Variants in RBM5 observed in about 807,000 individuals in gnomAD.
RBM5 encodes RNA-binding protein 5.
In RBM5, 15 loss-of-function variants were observed where a neutral mutation model predicts 124.6. That is an observed-to-expected ratio of 0.12 (90% CI 0.08 to 0.19). The LOEUF (loss-of-function observed/expected upper bound fraction) is 0.19, where lower values mean the gene tolerates loss of function less well. Ranked by LOEUF, RBM5 falls within the 10% of genes least tolerant of loss-of-function variation. The probability of loss-of-function intolerance (pLI) is 1.00; values close to 1 mark genes in which losing one functional copy is unlikely to be tolerated. For missense variants in RBM5, 580 were observed against 1,026.5 expected (o/e 0.57, Z 5.94); for synonymous variants, 337 against 361.2 (o/e 0.93, Z 0.76).
intron 7 of RBM5, 85 bp downstream of exon 7, chr3:50,103,251 A>T: frequency 8.9e-7 from 1 of 1,120,782 alleles, no homozygotes; most frequent in Non-Finnish European, 1.3e-6. Context: ...TGTCCAAACA[A>T]GGAAATTGTT....
rs1442716235 is a variant in RBM5 at position 50,109,780 on chromosome 3, G to C, written c.1278+92G>C. 18 of 990,858 alleles carry C rather than the reference G, an allele frequency of 1.8e-5. No individual in the cohort carries two copies. The South Asian group carries it at 2.3e-4, about 13-fold the overall frequency. 61.4% of individuals were successfully genotyped at this position (990,858 alleles called of 1,614,324 possible). ...TTACCCTTTCCTGTTGTATGAGCCA[G>C]GATTGAGTAATACACACTTCAACCT... On this transcript the variant is annotated intron_variant, in intron 15 of 24. Coordinates refer to ENST00000347869, the MANE Select transcript of RBM5 (RefSeq NM_005778.4).
At position 50,105,797 on chromosome 3, in the gene RBM5, T is replaced by G; in HGVS notation, c.855+88T>G. 1.5e-5 allele frequency: 21 copies of G among 1,410,470 alleles called. No individual in the cohort carries two copies. In the South Asian group the frequency reaches 2.7e-4, roughly 18 times the overall value. 87.4% of individuals were successfully genotyped at this position (1,410,470 alleles called of 1,614,324 possible). On this transcript the variant is annotated intron_variant, in intron 10 of 24. Coordinates refer to ENST00000347869, the MANE Select transcript of RBM5 (RefSeq NM_005778.4). The stretch of plus-strand genomic sequence containing the variant: ...ATCCAGTTTTGAAACTGTCTGAGGC[T>G]CCTAAAGCCCAAGATGCAAGGCTCC...
At chr3:50,098,218 G>A (rs1341124951) in intron 4 of RBM5, among the ~76,000 whole-genome samples, 3 of 152,136 alleles carry the variant, frequency 2.0e-5, no homozygotes, top group African/African-American at 7.2e-5. Flanking sequence ...CGTACTTCAG[G>A]GCACAGTGAC....
At position 50,109,704 on chromosome 3, in the gene RBM5, T is replaced by C. The variant is rs764604642; in HGVS notation, c.1278+16T>C. On this transcript the variant is annotated intron_variant, in intron 15 of 24. Coordinates refer to ENST00000347869, the MANE Select transcript of RBM5 (RefSeq NM_005778.4). ...TGGCTCTCCGGTAATCCTGTTGTCC[T>C]ATATACAAAACTCGTGGCTGATGGG... 1 of 1,603,690 alleles carries C rather than the reference T, an allele frequency of 6.2e-7. No individual in the cohort carries two copies. The highest frequency in any genetic ancestry group is 1.7e-5 in the Admixed American group (1 of 59,958).
At chr3:50,091,809 C>G (rs1041907157) in intron 2 of RBM5, among the ~76,000 whole-genome samples, 1 of 152,126 alleles carries the variant, frequency 6.6e-6, no homozygotes, top group Non-Finnish European at 1.5e-5. Flanking sequence ...ATATTCAACC[C>G]AAATGTTTAT....
At chr3:50,107,672 C>CTTGTTTT (rs2091061247) in intron 12 of RBM5, 103 bp downstream of exon 12, 1 of 97,172 alleles carries the variant, frequency 1.0e-5, no homozygotes, top group Non-Finnish European at 1.9e-5. Context: ...CTTTTCTTTT[C>CTTGTTTT]TTTTTTTTTT....
In RBM5 at chr3:50,117,284, C is replaced by T. The variant is rs780733365; in HGVS notation, c.2227C>T (p.His743Tyr). 3.8e-5 allele frequency: 62 copies of T among 1,614,086 alleles called. No homozygotes were observed. The highest frequency in any genetic ancestry group is 5.1e-5 in the Non-Finnish European group (60 of 1,180,054). ...GCAACCCACCAAAGATGGCATTGAC[C>T]ACAGTAACATTGGCAACAAGATGCT... ...YEQPTKDGID[H>Y]SNIGNKMLQA... The change falls in exon 24 of 25, where the codon CAC (histidine) becomes TAC (tyrosine). Residue 743 changes from histidine (H) to tyrosine (Y), a missense_variant. Transcript: ENST00000347869. This position sits in a 1 kb window ranked among gnomAD's most constrained non-coding sequence, Gnocchi z 4.2.
chr3:50,113,330 G>T lies in RBM5; in HGVS notation c.1456-53G>T. On this transcript the variant is annotated intron_variant, in intron 17 of 24. Transcript: ENST00000347869. ...CTTTTTTTTGACAAAATATGTAATC[G>T]ACTGACATAGCAGAAAGTCTGCATT... 2.0e-6 allele frequency: 3 copies of T among 1,538,358 alleles called. No individual in the cohort carries two copies. The South Asian group carries it at 3.5e-5, about 18-fold the overall frequency.
intron 7 of RBM5, among the ~76,000 whole-genome samples, chr3:50,103,410 G>A (rs1050258654): frequency 2.2e-4 from 34 of 152,174 alleles, no homozygotes; most frequent in Non-Finnish European, 2.6e-4. Flanking sequence ...ACTTTGGGAG[G>A]CCAAGGCGGG....
chr3:50,103,890 C>G (rs188827708), intron 7 of RBM5, among the ~76,000 whole-genome samples: 125 of 152,270 alleles, frequency 8.2e-4, no homozygotes, highest in African/African-American at 3.0e-3. Context: ...CAGTAGGGGA[C>G]TAGACAGTGG....
chr3:50,111,025 A>G (rs1280781669), intron 17 of RBM5: 3 of 478,620 alleles, frequency 6.3e-6, no homozygotes, highest in East Asian at 3.5e-5. Context: ...ATGTTTATAC[A>G]TGTCTATACA....
At position 50,100,652 on chromosome 3, in the gene RBM5, CTG is replaced by C. The variant is rs778569975; in HGVS notation, c.483+49_483+50del. ...AGATATTCATGAAAATGGAACAAGTCTGTACAATTTTAAAAAAAGGTTGAAGG... is the reference window on the plus strand; with the variant it reads ...AGATATTCATGAAAATGGAACAAGTCTACAATTTTAAAAAAAGGTTGAAGG... On this transcript the variant is annotated intron_variant, in intron 6 of 24. Transcript: ENST00000347869. The surrounding 1 kb of genome is among the most constrained non-coding windows in gnomAD (Gnocchi z 5.1). The C allele has an allele frequency of 1.4e-6, 2 of 1,475,168 alleles. No individual in the cohort carries two copies. Among genetic ancestry groups the C allele is most frequent in the Non-Finnish European group, 9.4e-7 (1 of 1,059,768 alleles). The allele number at this position is 1,475,168 out of a possible 1,614,324, so 91.4% of individuals were successfully genotyped here. A position where few individuals can be genotyped will look rare whatever the true frequency, so the allele number is the denominator to read the frequency against.
chr3:50,109,090 T>C (rs1319892190), intron 14 of RBM5, among the ~76,000 whole-genome samples: 1 of 152,214 alleles, frequency 6.6e-6, no homozygotes, highest in African/African-American at 2.4e-5. Context: ...TCTTTTTTTT[T>C]TGAGACGGAG....
At chr3:50,106,503 G>A (rs2091035302) in intron 10 of RBM5, among the ~76,000 whole-genome samples, 1 of 152,310 alleles carries the variant, frequency 6.6e-6, no homozygotes, top group South Asian at 2.1e-4. Flanking sequence ...TTGACTTCAA[G>A]TGATCCGCTC....
chr3:50,111,406 T>C lies in RBM5; in HGVS notation c.1455+636T>C, dbSNP rs550672413. On this transcript the variant is annotated intron_variant, in intron 17 of 24. Coordinates refer to ENST00000347869, the MANE Select transcript of RBM5 (RefSeq NM_005778.4). ...TAACTACTAATCTACTCTCTGTCTC[T>C]ATGGATTTGCTTTTTTTATTTTTTT... 1.3e-3 allele frequency among the ~76,000 whole-genome samples: 196 copies of C among 152,284 alleles called. 1 individual carries two copies. Among genetic ancestry groups the C allele is most frequent in the Admixed American group, 0.011 (166 of 15,286 alleles).
intron 4 of RBM5, 148 bp downstream of exon 4, chr3:50,094,023 G>C: frequency 3.9e-6 from 3 of 775,006 alleles, no homozygotes; most frequent in Non-Finnish European, 5.7e-6. Context: ...GAACTGTTTT[G>C]ATATTTTTTT....
intron 4 of RBM5, 188 bp downstream of exon 4, chr3:50,094,063 A>G (rs1439491278): frequency 7.7e-6 from 4 of 520,846 alleles, no homozygotes; most frequent in Non-Finnish European, 1.3e-5. Flanking sequence ...AAGTTTAAAC[A>G]TTTGCATTTA....
intron 17 of RBM5, 26 bp from the exon 18 acceptor site, chr3:50,113,357 A>AT: frequency 6.3e-7 from 1 of 1,589,722 alleles, no homozygotes; most frequent in Non-Finnish European, 8.6e-7. Context: ...GTCTGCATTA[A>AT]TTGTTTTTTG....
intron 12 of RBM5, among the ~76,000 whole-genome samples, chr3:50,107,830 G>A (rs368918565): frequency 2.3e-4 from 35 of 151,620 alleles, no homozygotes; most frequent in Admixed American, 4.6e-4. Context: ...GGGATTACAG[G>A]TACCTGCCAC....
Sources: allele counts gnomAD v4.1 joint callset (sites outside exome capture counted in the v4.1 genomes callset), GRCh38; gene constraint gnomAD v4.1.1; non-coding constraint Gnocchi (gnomAD v3.1); transcripts MANE v1.5; gene names NCBI Gene and HGNC (gene_info 2026-07-23, HGNC 2026-07-21).